The following SGSM1 variants were observed in gnomAD, a reference collection of about 807,000 sequenced individuals.
The protein encoded by SGSM1 is RUN and TBC1 domain containing 2.
A neutral mutation model predicts 133.8 loss-of-function variants in SGSM1; 73 were observed. The observed-to-expected ratio is 0.55, with a 90% CI of 0.45 to 0.66. SGSM1 has a LOEUF of 0.66. Among genes scored for constraint, SGSM1 ranks in the 30% least tolerant of loss-of-function variants. The pLI, the probability that SGSM1 is intolerant of heterozygous loss-of-function variation, is 0.00. For synonymous variants in SGSM1, 563 were observed against 573.0 expected, an observed-to-expected ratio of 0.98 and a Z score of 0.25; for missense variants, 1,213 against 1,448.1, an observed-to-expected ratio of 0.84 and a Z score of 2.64.
intron 2 of SGSM1, among the ~76,000 whole-genome samples, chr22:24,829,698 A>G (rs540629753): frequency 6.6e-6 from 1 of 152,262 alleles, no homozygotes; most frequent in South Asian, 2.1e-4. Context: ...GGAAAAAAAA[A>G]TCTGTGCCTC....
chr22:24,856,799 C>G (rs573242168), intron 8 of SGSM1, among the ~76,000 whole-genome samples: 14 of 148,918 alleles, frequency 9.4e-5, no homozygotes, highest in African/African-American at 3.4e-4. Flanking sequence ...GACAGAGTCT[C>G]GCTCTATTGC....
intron 24 of SGSM1, among the ~76,000 whole-genome samples, chr22:24,923,401 G>A (rs79045673): frequency 2.6e-5 from 4 of 152,000 alleles, no homozygotes; most frequent in East Asian, 1.9e-4. Context: ...AAATGTCTAC[G>A]TTTAGGATTA....
chr22:24,883,274 T>A (rs958349006), intron 14 of SGSM1, among the ~76,000 whole-genome samples: 1 of 152,206 alleles, frequency 6.6e-6, no homozygotes, highest in Non-Finnish European at 1.5e-5. Flanking sequence ...CTATCATGAA[T>A]GGTGTTGCAG....
intron 5 of SGSM1, among the ~76,000 whole-genome samples, chr22:24,850,948 A>G (rs1930420657): frequency 6.6e-6 from 1 of 151,968 alleles, no homozygotes; most frequent in South Asian, 2.1e-4. Context: ...ATACAAAAAC[A>G]AAATTAGCCG....
rs371884248 is a variant in SGSM1, at chr22:24,914,425, G to A, written c.2928+1673G>A. Among the ~76,000 whole-genome samples, 18 of 151,766 alleles carry A rather than the reference G, an allele frequency of 1.2e-4. 1 individual carries two copies. Among genetic ancestry groups the A allele is most frequent in the East Asian group, 3.9e-4 (2 of 5,182 alleles). On this transcript the variant is annotated intron_variant, in intron 22 of 24. Coordinates refer to ENST00000400358, the MANE Select transcript of SGSM1 (RefSeq NM_001098497.3). ...CGGTAGGTGGAGATTGCAATGAGCCGAGATAGCCCCATTGCACACCAACCT... is the reference window on the plus strand; with the variant it reads ...CGGTAGGTGGAGATTGCAATGAGCCAAGATAGCCCCATTGCACACCAACCT...
chr22:24,855,523 C>G (rs775401919), intron 7 of SGSM1, 26 bp from the exon 8 acceptor site: 2 of 1,613,512 alleles, frequency 1.2e-6, no homozygotes, highest in South Asian at 1.1e-5. Flanking sequence ...GGCCTCATCC[C>G]TCTGTCTCCC....
intron 2 of SGSM1, among the ~76,000 whole-genome samples, chr22:24,814,886 A>T (rs1038856016): frequency 3.3e-5 from 5 of 152,144 alleles, no homozygotes; most frequent in Non-Finnish European, 5.9e-5. Flanking sequence ...CATCGCCATC[A>T]TGGGGAGGGC....
At chr22:24,894,267 C>T (rs1601964575) in intron 17 of SGSM1, among the ~76,000 whole-genome samples, 1 of 152,180 alleles carries the variant, frequency 6.6e-6, no homozygotes, top group East Asian at 1.9e-4. Context: ...TAGCTGAGCG[C>T]CTGTAATCCC....
intron 3 of SGSM1, 108 bp from the exon 4 acceptor site, chr22:24,847,526 G>A: frequency 7.3e-7 from 1 of 1,375,264 alleles, no homozygotes; most frequent in East Asian, 2.5e-5. Context: ...AAGGTAAGAA[G>A]ATTGAGAGGG....
Position 24,884,184 on chromosome 22 carries a change from C to T in SGSM1, c.1627C>T (p.Leu543Phe). The change falls in exon 15 of 25, where the codon CTT (leucine) becomes TTT (phenylalanine). Residue 543 changes from leucine (L) to phenylalanine (F), a missense_variant. Transcript: ENST00000400358. ...GACAGCCAGGATCTGGGAGCAGTACCTTCACGACAGCACAGTAAGGCTTAG... is the reference window on the plus strand; with the variant it reads ...GACAGCCAGGATCTGGGAGCAGTACTTTCACGACAGCACAGTAAGGCTTAG... ...GLTARIWEQY[L>F]HDSTSYEEQE... 6.2e-7 allele frequency: 1 copy of T among 1,613,876 alleles called. No homozygotes were observed. Among genetic ancestry groups the T allele is most frequent in the East Asian group, 2.2e-5 (1 of 44,872 alleles).
chr22:24,806,473 G>C lies in SGSM1; in HGVS notation c.52G>C (p.Val18Leu), dbSNP rs1424440389. 1 of 1,516,426 alleles carries C rather than the reference G, an allele frequency of 6.6e-7. No homozygotes were observed. The highest frequency in any genetic ancestry group is 2.2e-5 in the Admixed American group (1 of 46,070). The allele number at this position is 1,516,426 out of a possible 1,614,324, so 93.9% of individuals were successfully genotyped here. ...GACCCGACAGAGGCTGCTACGCACC[G>C]TCAAGAAGGAGGTGGGTGCCGGGGT... Reference protein sequence around the residue: ...AETRQRLLRTVKKEVKQIMEE... With the variant: ...AETRQRLLRTLKKEVKQIMEE... Residue 18 changes from valine to leucine, a missense_variant, in exon 2 of 25, where the codon GTC (valine) becomes CTC (leucine). Coordinates refer to ENST00000400358, the MANE Select transcript of SGSM1 (RefSeq NM_001098497.3).
intron 2 of SGSM1, among the ~76,000 whole-genome samples, chr22:24,834,511 A>G (rs1285577578): frequency 6.6e-6 from 1 of 152,226 alleles, no homozygotes; most frequent in East Asian, 1.9e-4. Context: ...CAAAGCAGAC[A>G]TTATTTACTC....
At chr22:24,846,397 T>C (rs1323406892) in intron 3 of SGSM1, among the ~76,000 whole-genome samples, 1 of 152,118 alleles carries the variant, frequency 6.6e-6, no homozygotes, top group Non-Finnish European at 1.5e-5. Flanking sequence ...CATATATGTA[T>C]GTGTATATAT....
Position 24,847,217 on chromosome 22 carries a change from AAAAAC to A in SGSM1, c.140-402_140-398del, listed in dbSNP as rs1205928752. ...CAAAACAAAGTGTTTTCTAACTCAA[AAAAAC>A]AAAACAAAACAAAAACAAACAAAAA... On this transcript the variant is annotated intron_variant, in intron 3 of 24. Coordinates refer to ENST00000400358, the MANE Select transcript of SGSM1 (RefSeq NM_001098497.3). Among the ~76,000 whole-genome samples the A allele has an allele frequency of 3.3e-5, 5 of 152,312 alleles. No individual in the cohort carries two copies. In the South Asian group the frequency reaches 6.2e-4, roughly 19 times the overall value.
chr22:24,867,081 G>A lies in SGSM1; in HGVS notation c.927-12G>A, dbSNP rs56022312. On this transcript the variant is annotated splice_polypyrimidine_tract_variant and intron_variant, in intron 9 of 24. Transcript: ENST00000400358. ...AGAAGTCCTGCAAGCCTGACCCTCC[G>A]TCCGCTTCCAGCGTCTACTGGGACT... is the stretch of plus-strand genomic sequence containing the variant. 236,266 of 1,611,750 alleles carry A rather than the reference G, an allele frequency of 0.15. 18,376 individuals carry two copies. Among genetic ancestry groups the A allele is most frequent in the Non-Finnish European group, 0.16 (191,110 of 1,178,684 alleles).
At chr22:24,902,807 G>A (rs1163307704) in intron 20 of SGSM1, among the ~76,000 whole-genome samples, 1 of 152,194 alleles carries the variant, frequency 6.6e-6, no homozygotes. Context: ...GGGAGGCCAA[G>A]GCAGGAGGAT....
rs1280001815 is a variant in SGSM1 at position 24,856,115 on chromosome 22, T to TTCTA, written c.801+438_801+441dup. ...TCTTCACTCACCTGCATACCCAGGC[T>TTCTA]TCTATCCATCTGTTCGCTCTTGTTC... On this transcript the variant is annotated intron_variant, in intron 8 of 24. Coordinates refer to ENST00000400358, the MANE Select transcript of SGSM1 (RefSeq NM_001098497.3). 1.4e-5 allele frequency: 5 copies of TTCTA among 359,332 alleles called. No homozygotes were observed. In the East Asian group the frequency reaches 3.7e-4, roughly 27 times the overall value. The allele number at this position is 359,332 out of a possible 1,614,324, so 22.3% of individuals were successfully genotyped here. A position where few individuals can be genotyped will look rare whatever the true frequency, so the allele number is the denominator to read the frequency against.
chr22:24,858,102 G>C (rs1930914209), intron 8 of SGSM1, among the ~76,000 whole-genome samples: 1 of 152,078 alleles, frequency 6.6e-6, no homozygotes, highest in Non-Finnish European at 1.5e-5. Context: ...TCAGCTTCCT[G>C]AGTAGCTAGG....
At chr22:24,873,058 A>T (rs1931845532) in intron 12 of SGSM1, among the ~76,000 whole-genome samples, 1 of 151,832 alleles carries the variant, frequency 6.6e-6, no homozygotes, top group Admixed American at 6.6e-5. Context: ...TCCTGGGCTC[A>T]GTCGATCCTT....
Sources: allele counts gnomAD v4.1 joint callset (sites outside exome capture counted in the v4.1 genomes callset), GRCh38; gene constraint gnomAD v4.1.1; transcripts MANE v1.5; gene names NCBI Gene and HGNC (gene_info 2026-07-23, HGNC 2026-07-21).